SAMMSON: variants seen among roughly 807,000 people sequenced by gnomAD.
SAMMSON encodes survival associated mitochondrial melanoma specific oncogenic non-coding RNA.
intron 7 of SAMMSON, among the ~76,000 whole-genome samples, chr3:70,349,655 A>G (rs879441416): frequency 8.5e-5 from 13 of 152,182 alleles, no homozygotes; most frequent in Admixed American, 5.9e-4. Context: ...CTATAGAGAG[A>G]TGAAGGTCGG....
At chr3:70,256,465 A>G (rs1285201298) in intron 6 of SAMMSON, among the ~76,000 whole-genome samples, 3 of 152,228 alleles carry the variant, frequency 2.0e-5, no homozygotes, top group Non-Finnish European at 1.5e-5. Flanking sequence ...GAGGTATATT[A>G]ACTCTTTGAG....
At chr3:70,167,390 T>C (rs971025607) in intron 4 of SAMMSON, among the ~76,000 whole-genome samples, 2 of 151,932 alleles carry the variant, frequency 1.3e-5, no homozygotes, top group African/African-American at 4.8e-5. Flanking sequence ...TAATAGATGA[T>C]CTTCTTGTGA....
intron 4 of SAMMSON, among the ~76,000 whole-genome samples, chr3:70,191,772 T>C (rs1701132524): frequency 6.6e-6 from 1 of 151,932 alleles, no homozygotes; most frequent in Non-Finnish European, 1.5e-5. Context: ...TTAGGCTTAG[T>C]GATTAAAAGC....
intron 7 of SAMMSON, among the ~76,000 whole-genome samples, chr3:70,317,095 G>C (rs113587864): frequency 1.2e-4 from 18 of 151,970 alleles, no homozygotes; most frequent in African/African-American, 3.9e-4. Context: ...TGGGTAATAG[G>C]TTTATAACTA....
intron 7 of SAMMSON, among the ~76,000 whole-genome samples, chr3:70,327,519 C>G (rs1029503339): frequency 6.6e-6 from 1 of 152,056 alleles, no homozygotes; most frequent in Non-Finnish European, 1.5e-5. Flanking sequence ...ATGTCTGTGT[C>G]CTGAAGAGAA....
intron 7 of SAMMSON, among the ~76,000 whole-genome samples, chr3:70,351,397 G>A (rs1048114741): frequency 1.3e-5 from 2 of 151,996 alleles, no homozygotes; most frequent in Non-Finnish European, 2.9e-5. Flanking sequence ...GGTATTTGGG[G>A]CAGAGAAGAA....
chr3:70,328,171 A>G (rs1000177061), intron 7 of SAMMSON, among the ~76,000 whole-genome samples: 4 of 152,192 alleles, frequency 2.6e-5, no homozygotes, highest in Non-Finnish European at 5.9e-5. Context: ...CCCATGATTT[A>G]TATCTCTCAC....
At chr3:70,051,647 A>G (rs769528672) in intron 3 of SAMMSON, among the ~76,000 whole-genome samples, 1 of 151,750 alleles carries the variant, frequency 6.6e-6, no homozygotes, top group Non-Finnish European at 1.5e-5. Context: ...TTATGATTTT[A>G]TATAACTAGC....
At position 70,224,562 on chromosome 3, in the gene SAMMSON, C is replaced by T. The variant is rs190296522; in HGVS notation, n.508-24545C>T. On this transcript the variant is annotated intron_variant and non_coding_transcript_variant, in intron 4 of 9. Coordinates refer to ENST00000642114, the Ensembl canonical transcript of SAMMSON. Reference sequence around the variant, plus strand: ...ACATTTAACACAACACTATAATTTCCGCAATGCTCACTAAGTGTCTGACTT... The same window carrying T: ...ACATTTAACACAACACTATAATTTCTGCAATGCTCACTAAGTGTCTGACTT... Among the ~76,000 whole-genome samples, 23 of 152,220 alleles carry T rather than the reference C, an allele frequency of 1.5e-4. No homozygotes were observed. The East Asian group carries it at 3.9e-3, about 26-fold the overall frequency.
intron 4 of SAMMSON, among the ~76,000 whole-genome samples, chr3:70,077,820 T>A (rs1161014801): frequency 6.6e-6 from 1 of 152,154 alleles, no homozygotes; most frequent in African/African-American, 2.4e-5. Context: ...ATAGATACGC[T>A]GGTCACAAGG....
intron 4 of SAMMSON, chr3:70,140,333 G>T: frequency 4.5e-6 from 1 of 221,596 alleles, no homozygotes. Context: ...AATGCAAGCA[G>T]CTGGAGAAAT....
chr3:70,281,537 C>A (rs900589862), intron 6 of SAMMSON, among the ~76,000 whole-genome samples: 4 of 152,068 alleles, frequency 2.6e-5, no homozygotes, highest in Admixed American at 1.3e-4. Context: ...AAAATGAGAT[C>A]ATATAAGTGT....
In SAMMSON at chr3:70,143,791, T is replaced by C. The variant is rs9854896; in HGVS notation, n.507+72226T>C. Among the ~76,000 whole-genome samples the C allele has an allele frequency of 5.4e-3, 826 of 152,282 alleles. 6 individuals are homozygous for C. Among genetic ancestry groups the C allele is most frequent in the African/African-American group, 0.019 (779 of 41,560 alleles). On this transcript the variant is annotated intron_variant and non_coding_transcript_variant, in intron 4 of 9. Transcript: ENST00000642114. ...ATTCTTTGTTGATTTCCCTGAACCC[T>C]GACCACATCTTTGTAAATAATTTCT...
intron 2 of SAMMSON, among the ~76,000 whole-genome samples, chr3:70,421,949 T>C (rs935449817): frequency 1.2e-4 from 18 of 152,056 alleles, no homozygotes; most frequent in African/African-American, 4.1e-4. Flanking sequence ...AAAATGTAGA[T>C]GGAATTGACT....
Position 70,287,644 on chromosome 3 carries a change from T to G in SAMMSON, n.675-3535T>G, listed in dbSNP as rs1702180196. 3.9e-5 allele frequency among the ~76,000 whole-genome samples: 6 copies of G among 152,246 alleles called. No homozygotes were observed. The South Asian group carries it at 1.0e-3, about 26-fold the overall frequency. ...TTTCAGAAGGAATGGTACCAGTTCCTCCTTGTACCTCTGGTAGAATTTGGC... is the reference window on the plus strand; with the variant it reads ...TTTCAGAAGGAATGGTACCAGTTCCGCCTTGTACCTCTGGTAGAATTTGGC... On this transcript the variant is annotated intron_variant and non_coding_transcript_variant, in intron 6 of 9. Transcript: ENST00000642114.
At chr3:70,197,342 C>A (rs1259576657) in intron 4 of SAMMSON, among the ~76,000 whole-genome samples, 1 of 152,168 alleles carries the variant, frequency 6.6e-6, no homozygotes, top group Non-Finnish European at 1.5e-5. Flanking sequence ...AGCTCCCCCA[C>A]CCCCATGTCA....
At chr3:70,399,848 C>T (rs1320582589) in intron 2 of SAMMSON, among the ~76,000 whole-genome samples, 4 of 145,012 alleles carry the variant, frequency 2.8e-5, no homozygotes, top group African/African-American at 1.1e-4. Context: ...GAGCAAGACT[C>T]TGACTCAAAA....
chr3:70,261,029 C>T (rs1701860755), intron 6 of SAMMSON, among the ~76,000 whole-genome samples: 1 of 152,134 alleles, frequency 6.6e-6, no homozygotes, highest in Non-Finnish European at 1.5e-5. Flanking sequence ...ATGAAACAGA[C>T]CTTGCACAAA....
chr3:70,050,514 T>A (rs2067142065), intron 3 of SAMMSON, among the ~76,000 whole-genome samples: 1 of 152,270 alleles, frequency 6.6e-6, no homozygotes, highest in Admixed American at 6.5e-5. Context: ...GAGACCTGTA[T>A]GTGGTGCTTG....
Sources: allele counts gnomAD v4.1 joint callset (sites outside exome capture counted in the v4.1 genomes callset), GRCh38; gene constraint gnomAD v4.1.1; transcripts MANE v1.5; gene names NCBI Gene and HGNC (gene_info 2026-07-23, HGNC 2026-07-21).